The following MEIS2 variants were observed in gnomAD, a reference collection of about 807,000 sequenced individuals.
The protein encoded by MEIS2 is homeobox protein Meis2.
Under a neutral mutation model 58.6 loss-of-function variants are expected in MEIS2, and 9 were observed. That is an observed-to-expected ratio of 0.15 (90% CI 0.09 to 0.27). The LOEUF (loss-of-function observed/expected upper bound fraction) is 0.27, where lower values mean the gene tolerates loss of function less well. MEIS2 is among the 10% of genes least tolerant of loss of function. The pLI, the probability that MEIS2 is intolerant of heterozygous loss-of-function variation, is 1.00. For missense variants in MEIS2, 427 were observed against 635.0 expected, an observed-to-expected ratio of 0.67 and a Z score of 3.52; for synonymous variants, 221 against 228.4, an observed-to-expected ratio of 0.97 and a Z score of 0.29.
At chr15:37,096,655 C>T in intron 2 of MEIS2, 1 of 422,694 alleles carries the variant, frequency 2.4e-6, no homozygotes, top group Admixed American at 4.3e-5. Flanking sequence ...CAGATCTGGC[C>T]AGAGAAGACC....
At chr15:36,901,477 G>A (rs1267541616) in intron 9 of MEIS2, among the ~76,000 whole-genome samples, 1 of 152,198 alleles carries the variant, frequency 6.6e-6, no homozygotes, top group African/African-American at 2.4e-5. Flanking sequence ...GCAGACATAA[G>A]TTTTCCACTG....
At chr15:36,906,359 A>G (rs2056736227) in intron 9 of MEIS2, among the ~76,000 whole-genome samples, 1 of 152,158 alleles carries the variant, frequency 6.6e-6, no homozygotes, top group African/African-American at 2.4e-5. Context: ...GAGGGAAACA[A>G]AACGAGCTCT....
chr15:36,956,928 A>AAGG (rs1712945034), intron 8 of MEIS2, among the ~76,000 whole-genome samples: 1 of 151,590 alleles, frequency 6.6e-6, no homozygotes, highest in Non-Finnish European at 1.5e-5. Context: ...TGAGGAGGAA[A>AAGG]AGGAGGAGGA....
chr15:37,095,772 T>G, intron 3 of MEIS2, 158 bp from the exon 4 acceptor site: 1 of 991,298 alleles, frequency 1.0e-6, no homozygotes, highest in Non-Finnish European at 1.5e-6. Context: ...GTGGAGTCCC[T>G]GAAGAAGAAT....
At chr15:36,942,438 A>T (rs2141366280) in intron 9 of MEIS2, among the ~76,000 whole-genome samples, 2 of 152,290 alleles carry the variant, frequency 1.3e-5, no homozygotes, top group Admixed American at 1.3e-4. Flanking sequence ...GAATTCCTGG[A>T]GTAAGCACCA....
intron 9 of MEIS2, among the ~76,000 whole-genome samples, chr15:36,899,454 A>G (rs970846118): frequency 2.0e-5 from 3 of 152,202 alleles, no homozygotes; most frequent in Admixed American, 6.5e-5. Context: ...AGACTAAAAC[A>G]AATCAAACTA....
chr15:37,055,637 T>G (rs112672625), intron 7 of MEIS2, among the ~76,000 whole-genome samples: 2 of 152,206 alleles, frequency 1.3e-5, no homozygotes, highest in African/African-American at 4.8e-5. Flanking sequence ...AAACCACTCC[T>G]TCTCCTTGAA....
intron 7 of MEIS2, among the ~76,000 whole-genome samples, chr15:37,046,508 A>G (rs1219619758): frequency 6.6e-6 from 1 of 152,230 alleles, no homozygotes; most frequent in Non-Finnish European, 1.5e-5. Context: ...CACTTCACCC[A>G]CTGGTTGGAA....
intron 8 of MEIS2, among the ~76,000 whole-genome samples, chr15:37,008,995 G>A (rs2061023254): frequency 1.3e-5 from 2 of 152,064 alleles, no homozygotes; most frequent in South Asian, 4.2e-4. Context: ...GTGACCATAA[G>A]AATTAAAATA....
intron 8 of MEIS2, among the ~76,000 whole-genome samples, chr15:36,963,440 A>G (rs2059257453): frequency 6.6e-6 from 1 of 152,022 alleles, no homozygotes; most frequent in South Asian, 2.1e-4. Flanking sequence ...AACTATACTG[A>G]CAAACTCTCC....
At chr15:37,068,156 A>G (rs988772195) in intron 7 of MEIS2, among the ~76,000 whole-genome samples, 1 of 152,182 alleles carries the variant, frequency 6.6e-6, no homozygotes, top group Non-Finnish European at 1.5e-5. Flanking sequence ...TGCATGTGGG[A>G]GTCAGAATTC....
intron 9 of MEIS2, among the ~76,000 whole-genome samples, chr15:36,949,701 C>T (rs564235855): frequency 6.6e-6 from 1 of 152,050 alleles, no homozygotes; most frequent in Admixed American, 6.6e-5. Context: ...CATTTCTTGG[C>T]CACTGTGATC....
intron 7 of MEIS2, among the ~76,000 whole-genome samples, chr15:37,051,665 A>T (rs1486463503): frequency 6.6e-6 from 1 of 152,206 alleles, no homozygotes; most frequent in Admixed American, 6.5e-5. Context: ...GTACAGTTAA[A>T]TCATCAAAAA....
At chr15:36,952,920 A>G (rs2058812561) in intron 8 of MEIS2, among the ~76,000 whole-genome samples, 1 of 152,126 alleles carries the variant, frequency 6.6e-6, no homozygotes. Context: ...TTCCATCCAC[A>G]ATCATTAAAA....
At chr15:36,947,687 G>A (rs2058618390) in intron 9 of MEIS2, among the ~76,000 whole-genome samples, 1 of 151,806 alleles carries the variant, frequency 6.6e-6, no homozygotes, top group Non-Finnish European at 1.5e-5. Context: ...CGGAGAAGTG[G>A]GCATTATTTC....
At chr15:37,043,711 G>A (rs1403930804) in intron 7 of MEIS2, among the ~76,000 whole-genome samples, 2 of 127,362 alleles carry the variant, frequency 1.6e-5, no homozygotes, top group Admixed American at 8.7e-5. Flanking sequence ...TTGAGATGGA[G>A]TCCTACTAGC....
At position 36,950,269 on chromosome 15, in the gene MEIS2, T is replaced by C. The variant is rs994276273; in HGVS notation, c.977+55A>G. 4.9e-6 allele frequency: 7 copies of C among 1,419,364 alleles called. No individual in the cohort carries two copies. The Admixed American group carries it at 1.2e-4, about 24-fold the overall frequency. The allele number at this position is 1,419,364 out of a possible 1,614,324, so 87.9% of individuals were successfully genotyped here. On this transcript the variant is annotated intron_variant, in intron 9 of 11. Coordinates refer to ENST00000561208, the MANE Select transcript of MEIS2 (RefSeq NM_170675.5). Reference sequence around the variant, plus strand: ...AAAAAAAAAAGAGAGAAAACCATTATTTAGAAATCTCATTTTAGCCATGGG... The same window carrying C: ...AAAAAAAAAAGAGAGAAAACCATTACTTAGAAATCTCATTTTAGCCATGGG...
At chr15:37,088,902 G>C (rs1257641777) in intron 6 of MEIS2, among the ~76,000 whole-genome samples, 3 of 152,086 alleles carry the variant, frequency 2.0e-5, no homozygotes, top group African/African-American at 7.2e-5. Flanking sequence ...ATGAATTAAA[G>C]AATGCCAATT....
intron 8 of MEIS2, among the ~76,000 whole-genome samples, chr15:36,976,376 G>A (rs1039978476): frequency 1.1e-4 from 17 of 151,804 alleles, no homozygotes; most frequent in Admixed American, 2.6e-4. Context: ...GAGCCACCGC[G>A]CCTGGCCTAT....
Sources: allele counts gnomAD v4.1 joint callset (sites outside exome capture counted in the v4.1 genomes callset), GRCh38; gene constraint gnomAD v4.1.1; transcripts MANE v1.5; gene names NCBI Gene and HGNC (gene_info 2026-07-23, HGNC 2026-07-21).